ABCA8: variants seen among roughly 807,000 people sequenced by gnomAD.
The protein encoded by ABCA8 is ABC-type organic anion transporter ABCA8.
A neutral mutation model predicts 192.3 loss-of-function variants in ABCA8; 177 were observed. That is an observed-to-expected ratio of 0.92 (90% confidence interval 0.81 to 1.04). The LOEUF is 1.04. Among genes scored for constraint, ABCA8 ranks in the 50% least tolerant of loss-of-function variants. The pLI is 0.00. For synonymous variants in ABCA8, 642 were observed against 690.2 expected, an observed-to-expected ratio of 0.93 and a Z score of 1.09; for missense variants, 1,915 against 1,904.8, an observed-to-expected ratio of 1.01 and a Z score of -0.10.
chr17:68,912,694 T>C (rs2067251142), intron 17 of ABCA8, among the ~76,000 whole-genome samples: 1 of 152,084 alleles, frequency 6.6e-6, no homozygotes, highest in South Asian at 2.1e-4. Context: ...CAAGAAGATA[T>C]AACAATTGTA....
At chr17:68,875,449 A>T (rs761137545) in intron 36 of ABCA8, 49 bp from the exon 37 acceptor site, 2 of 1,609,494 alleles carry the variant, frequency 1.2e-6, no homozygotes, top group East Asian at 4.5e-5. Flanking sequence ...ACCATTCAGT[A>T]TGTTGTTTGA....
chr17:68,887,478 G>C lies in ABCA8; in HGVS notation c.3173C>G (p.Ser1058Cys), dbSNP rs1422271057. The C allele has an allele frequency of 2.5e-6, 4 of 1,612,090 alleles. No individual in the cohort carries two copies. The highest frequency in any genetic ancestry group is 3.4e-6 in the Non-Finnish European group (4 of 1,179,366). Residue 1058 changes from serine to cysteine, a missense_variant, in exon 25 of 40, where the codon TCC becomes TGC. Transcript: ENST00000586539. ...KNRARSQLRI[S>C]GLSPSAYWFG... is the part of the protein sequence containing the mutation. ...CCAGTAAGCAGAAGGGGAGAGTCCGGAAATCCGTAGCTGGGACCGAGCTCT... is the reference window on the plus strand; with the variant it reads ...CCAGTAAGCAGAAGGGGAGAGTCCGCAAATCCGTAGCTGGGACCGAGCTCT...
chr17:68,918,603 T>G lies in ABCA8; in HGVS notation c.1789-57A>C, dbSNP rs560589312. On this transcript the variant is annotated intron_variant, in intron 14 of 39. Coordinates refer to ENST00000586539, the MANE Select transcript of ABCA8 (RefSeq NM_001288985.2). ...CAAAATTTATTCCTTTTTTAAAAAT[T>G]TATAAATACAAGGCTGTAAAGTGTA... 1,374 of 1,423,946 alleles carry G rather than the reference T, an allele frequency of 9.6e-4. 10 individuals carry two copies. The African/African-American group carries it at 0.018, about 18-fold the overall frequency. 88.2% of individuals were successfully genotyped at this position (1,423,946 alleles called of 1,614,324 possible).
chr17:68,937,200 A>G, intron 4 of ABCA8, 85 bp from the exon 5 acceptor site: 1 of 1,151,500 alleles, frequency 8.7e-7, no homozygotes, highest in Non-Finnish European at 1.2e-6. Context: ...CTTTTACTAG[A>G]GTTTTCTATG....
At position 68,940,945 on chromosome 17, in the gene ABCA8, C is replaced by A. The variant is rs2068210802; in HGVS notation, c.114G>T (p.Leu38Phe). 6.2e-7 allele frequency: 1 copy of A among 1,607,736 alleles called. No individual in the cohort carries two copies. The highest frequency in any genetic ancestry group is 8.5e-7 in the Non-Finnish European group (1 of 1,174,886). Residue 38 changes from leucine (L) to phenylalanine (F), a missense_variant, in exon 4 of 40, where the codon TTG (leucine) becomes TTT (phenylalanine). Coordinates refer to ENST00000586539, the MANE Select transcript of ABCA8 (RefSeq NM_001288985.2). ...RESLMEWLNSLLLLLCLYIYP... is the reference protein window; with the variant it reads ...RESLMEWLNSFLLLLCLYIYP... ...ATATATACAAACAAAGTAGTAGGAGCAATGAATTCAGCCATTCCTATATAA... is the reference window on the plus strand; with the variant it reads ...ATATATACAAACAAAGTAGTAGGAGAAATGAATTCAGCCATTCCTATATAA...
intron 2 of ABCA8, among the ~76,000 whole-genome samples, chr17:68,943,475 T>C (rs921822960): frequency 1.3e-5 from 2 of 152,220 alleles, no homozygotes; most frequent in African/African-American, 4.8e-5. Flanking sequence ...CCATTCTCTA[T>C]AAGATTTCCT....
chr17:68,874,253 T>C (rs2066144685), intron 37 of ABCA8, among the ~76,000 whole-genome samples: 1 of 152,206 alleles, frequency 6.6e-6, no homozygotes, highest in South Asian at 2.1e-4. Context: ...GTTCCTCAAA[T>C]AGGGTAGAAA....
chr17:68,938,201 T>C (rs891833763), intron 4 of ABCA8, among the ~76,000 whole-genome samples: 3 of 152,114 alleles, frequency 2.0e-5, no homozygotes, highest in African/African-American at 7.2e-5. Flanking sequence ...TTAAAATGTA[T>C]GTGGAACTAA....
At chr17:68,918,930 C>CAAAAAAAAAAAA (rs34377045) in intron 14 of ABCA8, among the ~76,000 whole-genome samples, 6 of 45,946 alleles carry the variant, frequency 1.3e-4, no homozygotes, top group African/African-American at 2.3e-4. Flanking sequence ...AACTCTGTCT[C>CAAAAAAAAAAAA]AAAAAAAAAA....
intron 2 of ABCA8, among the ~76,000 whole-genome samples, chr17:68,944,229 G>T (rs2068315230): frequency 6.8e-6 from 1 of 147,176 alleles, no homozygotes. Context: ...CTAGATGATG[G>T]GTTGATGGGT....
rs774630757 is a variant in ABCA8 at position 68,941,986 on chromosome 17, A to C, written c.49T>G (p.Cys17Gly). 1 of 1,613,480 alleles carries C rather than the reference A, an allele frequency of 6.2e-7. No individual in the cohort carries two copies. Among genetic ancestry groups the C allele is most frequent in the Non-Finnish European group, 8.5e-7 (1 of 1,179,564 alleles). ...CTCCATTTTTTAAGAAAGTTCTTGC[A>C]TAATAAGGCCCAAGTTTGTTGACAC... The part of the protein sequence containing the change: ...SVCQQTWALL[C>G]KNFLKKWRMK... The change falls in exon 3 of 40, where the codon TGC (cysteine) becomes GGC (glycine). Residue 17 changes from cysteine (C) to glycine (G), a missense_variant. Coordinates refer to ENST00000586539, the MANE Select transcript of ABCA8 (RefSeq NM_001288985.2).
chr17:68,951,716 G>T (rs1173936878), intron 1 of ABCA8, among the ~76,000 whole-genome samples: 1 of 142,960 alleles, frequency 7.0e-6, no homozygotes, highest in African/African-American at 2.7e-5. Context: ...TGATAATATG[G>T]AGACACTAGG....
intron 26 of ABCA8, among the ~76,000 whole-genome samples, chr17:68,885,857 T>C (rs1485866690): frequency 6.6e-6 from 1 of 152,022 alleles, no homozygotes; most frequent in Non-Finnish European, 1.5e-5. Flanking sequence ...CCCATAGATA[T>C]AATATTTTAA....
rs140171796 is a variant in ABCA8 at position 68,902,923 on chromosome 17, T to G, written c.2598-44A>C. 11,416 of 1,519,044 alleles carry G rather than the reference T, an allele frequency of 7.5e-3. 85 individuals are homozygous for G. The highest frequency in any genetic ancestry group is 0.014 in the Middle Eastern group (82 of 5,770). The allele number at this position is 1,519,044 out of a possible 1,614,324, so 94.1% of individuals were successfully genotyped here. On this transcript the variant is annotated intron_variant, in intron 20 of 39. Coordinates refer to ENST00000586539, the MANE Select transcript of ABCA8 (RefSeq NM_001288985.2). ...CCAAAATGAATGCAATGTCATTTCC[T>G]GATCTAATACTCTCTGAGCAGTTTA...
intron 20 of ABCA8, 98 bp downstream of exon 20, chr17:68,903,203 C>T: frequency 7.8e-7 from 1 of 1,283,530 alleles, no homozygotes; most frequent in Non-Finnish European, 1.1e-6. Flanking sequence ...CTGCCTAATT[C>T]ATCATATCTT....
intron 28 of ABCA8, 143 bp downstream of exon 28, chr17:68,884,188 C>A: frequency 1.2e-6 from 1 of 862,820 alleles, no homozygotes. Flanking sequence ...ATAATTCTTC[C>A]GGATTTTACA....
chr17:68,868,501 T>C (rs1186900764), intron 38 of ABCA8, 145 bp from the exon 39 acceptor site: 1 of 696,894 alleles, frequency 1.4e-6, no homozygotes, highest in African/African-American at 1.8e-5. Context: ...ATCGTTCAGT[T>C]AAGAATACAC....
chr17:68,885,156 TG>T, intron 27 of ABCA8, 39 bp downstream of exon 27: 1 of 1,574,632 alleles, frequency 6.4e-7, no homozygotes, highest in South Asian at 1.2e-5. Context: ...CAATTGGTCA[TG>T]AGTTTCAAGG....
chr17:68,891,340 T>C (rs374555655), intron 24 of ABCA8, 149 bp downstream of exon 24: 30 of 545,258 alleles, frequency 5.5e-5, no homozygotes, highest in East Asian at 3.1e-4. Flanking sequence ...TTTCAACTTA[T>C]AAAACTTTCT....
Sources: gnomAD v4.1 joint callset for allele counts (sites outside exome capture counted in the v4.1 genomes callset) on GRCh38, gnomAD v4.1.1 for gene constraint, MANE v1.5 for transcripts, NCBI Gene and HGNC (gene_info 2026-07-23, HGNC 2026-07-21) for gene names.